Variants in NOVA1 observed in about 807,000 individuals in gnomAD.
NOVA1 encodes RNA-binding protein Nova-1.
In NOVA1, 7 loss-of-function variants were observed where a neutral mutation model predicts 38.0. The ratio of observed to expected loss-of-function variants is 0.18; its 90% CI spans 0.10 to 0.35. The LOEUF (loss-of-function observed/expected upper bound fraction) is 0.35. Among genes scored for constraint, NOVA1 ranks in the 10% least tolerant of loss-of-function variants. The pLI is 1.00. For synonymous variants in NOVA1, 270 were observed against 232.5 expected, an observed-to-expected ratio of 1.16 and a Z score of -1.47; for missense variants, 460 against 616.0, an observed-to-expected ratio of 0.75 and a Z score of 2.68.
chr14:26,519,639 A>G (rs527771028), intron 2 of NOVA1: 2 of 152,150 alleles, frequency 1.3e-5, no homozygotes, highest in South Asian at 4.1e-4. Context: ...GATAAACTAA[A>G]ATAGAATGTA....
Position 26,446,920 on chromosome 14 carries a change from A to T in NOVA1, c.*1039T>A, listed in dbSNP as rs1882126003. 6.5e-6 allele frequency: 1 copy of T among 152,710 alleles called. No homozygotes were observed. Among genetic ancestry groups the T allele is most frequent in the African/African-American group, 2.4e-5 (1 of 41,558 alleles). 9.5% of individuals were successfully genotyped at this position (152,710 alleles called of 1,614,324 possible). Reference sequence around the variant, plus strand: ...TGGCTGCTAGCGCCATGCTGCAAAGACTCCATCATGGGAGCAAACAGCTAA... The same window carrying T: ...TGGCTGCTAGCGCCATGCTGCAAAGTCTCCATCATGGGAGCAAACAGCTAA... On this transcript the variant is annotated 3_prime_UTR_variant, in exon 5 of 5. Coordinates refer to ENST00000539517, the MANE Select transcript of NOVA1 (RefSeq NM_002515.3).
chr14:26,463,009 T>G (rs190835646), intron 4 of NOVA1, among the ~76,000 whole-genome samples: 1 of 152,312 alleles, frequency 6.6e-6, no homozygotes, highest in African/African-American at 2.4e-5. Flanking sequence ...CTATTAAAGA[T>G]AGGGCCAAAT....
chr14:26,546,007 A>G (rs115079837), intron 2 of NOVA1, among the ~76,000 whole-genome samples: 1,722 of 152,244 alleles, frequency 0.011, 23 homozygotes, highest in Middle Eastern at 0.055. Flanking sequence ...ATATTGAAAA[A>G]TAACTGCAAA....
intron 2 of NOVA1, among the ~76,000 whole-genome samples, chr14:26,534,888 A>C (rs1025690276): frequency 6.6e-6 from 1 of 152,186 alleles, no homozygotes; most frequent in Non-Finnish European, 1.5e-5. Context: ...CTGAGAGTCA[A>C]GGAAAGGTAG....
intron 2 of NOVA1, among the ~76,000 whole-genome samples, chr14:26,511,604 T>A (rs1888094222): frequency 6.6e-6 from 1 of 151,866 alleles, no homozygotes; most frequent in Non-Finnish European, 1.5e-5. Flanking sequence ...ATACAAAAAT[T>A]AGCTGGGCGT....
intron 2 of NOVA1, among the ~76,000 whole-genome samples, chr14:26,554,347 AT>A (rs1891352371): frequency 6.6e-6 from 1 of 151,868 alleles, no homozygotes; most frequent in African/African-American, 2.4e-5. Flanking sequence ...AAATAGGTAT[AT>A]GAGAAAAAAA....
At chr14:26,449,067 CAT>C (rs1216804226) in intron 4 of NOVA1, 104 bp from the exon 5 acceptor site, 31 of 1,073,544 alleles carry the variant, frequency 2.9e-5, no homozygotes, top group East Asian at 2.9e-4. Flanking sequence ...GAAAATTAAA[CAT>C]AATTTATGAA....
At chr14:26,460,577 A>G (rs984662864) in intron 4 of NOVA1, among the ~76,000 whole-genome samples, 7 of 152,084 alleles carry the variant, frequency 4.6e-5, no homozygotes, top group Non-Finnish European at 7.4e-5. Flanking sequence ...CACCAATAAA[A>G]TGAATTATAT....
rs115440964 is a variant in NOVA1 at position 26,455,438 on chromosome 14, T to C, written c.520-6475A>G. On this transcript the variant is annotated intron_variant, in intron 4 of 4. Coordinates refer to ENST00000539517, the MANE Select transcript of NOVA1 (RefSeq NM_002515.3). Reference sequence around the variant, plus strand: ...TTCTCAAATGACTTTAGTTTCATCATCTATAAAATCAGGCAACTTAGTGAG... The same window carrying C: ...TTCTCAAATGACTTTAGTTTCATCACCTATAAAATCAGGCAACTTAGTGAG... Among the ~76,000 whole-genome samples, 689 of 152,200 alleles carry C rather than the reference T, an allele frequency of 4.5e-3. 6 individuals carry two copies. The highest frequency in any genetic ancestry group is 0.016 in the African/African-American group (656 of 41,556).
At chr14:26,475,237 GC>G (rs1330165510) in intron 3 of NOVA1, among the ~76,000 whole-genome samples, 1 of 151,500 alleles carries the variant, frequency 6.6e-6, no homozygotes, top group Admixed American at 6.6e-5. Flanking sequence ...TCGCTTTGTT[GC>G]CCAGGCTGGT....
chr14:26,597,024 G>A (rs1894236234), intron 1 of NOVA1: 1 of 1,210,162 alleles, frequency 8.3e-7, no homozygotes, highest in Non-Finnish European at 1.0e-6. Context: ...GTCAACCTCT[G>A]GACCGATTAA....
At chr14:26,482,122 G>C (rs1181614224) in intron 2 of NOVA1, among the ~76,000 whole-genome samples, 1 of 151,458 alleles carries the variant, frequency 6.6e-6, no homozygotes, top group Non-Finnish European at 1.5e-5. Context: ...TCAGATTGCA[G>C]AGACTAACAG....
chr14:26,543,193 A>C (rs1374517094), intron 2 of NOVA1, among the ~76,000 whole-genome samples: 1 of 152,040 alleles, frequency 6.6e-6, no homozygotes, highest in African/African-American at 2.4e-5. Flanking sequence ...AAAAATTAAA[A>C]ATTCAAAAAG....
At chr14:26,495,495 T>A (rs1445371584) in intron 2 of NOVA1, among the ~76,000 whole-genome samples, 1 of 152,192 alleles carries the variant, frequency 6.6e-6, no homozygotes, top group Non-Finnish European at 1.5e-5. Context: ...ACAAGCTTTT[T>A]TTTGTTGTTG....
chr14:26,552,247 G>C (rs1891205788), intron 2 of NOVA1, among the ~76,000 whole-genome samples: 1 of 152,046 alleles, frequency 6.6e-6, no homozygotes, highest in Non-Finnish European at 1.5e-5. Context: ...AAAAGGATGT[G>C]AGTGGAATAG....
At chr14:26,538,743 C>T (rs998039362) in intron 2 of NOVA1, among the ~76,000 whole-genome samples, 1 of 152,054 alleles carries the variant, frequency 6.6e-6, no homozygotes, top group African/African-American at 2.4e-5. Context: ...CAGTGTTAAT[C>T]AGTTCGTAAC....
chr14:26,563,663 C>T (rs1263064519), intron 2 of NOVA1, among the ~76,000 whole-genome samples: 1 of 151,884 alleles, frequency 6.6e-6, no homozygotes, highest in African/African-American at 2.4e-5. Context: ...AGAATGATGA[C>T]ATATTCAACT....
rs977159542 is a variant in NOVA1, at chr14:26,597,165, G to C, written c.136+136C>G. 5.1e-5 allele frequency: 61 copies of C among 1,193,788 alleles called. No homozygotes were observed. The Admixed American group carries it at 9.8e-4, about 19-fold the overall frequency. The allele number at this position is 1,193,788 out of a possible 1,614,324, so 73.9% of individuals were successfully genotyped here. A position where few individuals can be genotyped will look rare whatever the true frequency, so the allele number is the denominator to read the frequency against. On this transcript the variant is annotated intron_variant, in intron 1 of 4. Coordinates refer to ENST00000539517, the MANE Select transcript of NOVA1 (RefSeq NM_002515.3). ...GAGGGGGCGCGGGGCAGGGGCGCAG[G>C]GGCCGCCGGGTTCGGGCTGGAGGTG...
chr14:26,561,461 A>C (rs1891815716), intron 2 of NOVA1, among the ~76,000 whole-genome samples: 1 of 152,190 alleles, frequency 6.6e-6, no homozygotes, highest in South Asian at 2.1e-4. Flanking sequence ...TTTATTCTTT[A>C]ACAGCAGCAG....
Sources: gnomAD v4.1 joint callset for allele counts (sites outside exome capture counted in the v4.1 genomes callset) on GRCh38, gnomAD v4.1.1 for gene constraint, MANE v1.5 for transcripts, NCBI Gene and HGNC (gene_info 2026-07-23, HGNC 2026-07-21) for gene names.